SMG7: variants seen among roughly 807,000 people sequenced by gnomAD.
The protein encoded by SMG7 is nonsense-mediated mRNA decay factor SMG7.
SMG7 carries 34 observed loss-of-function variants against 148.2 expected under a neutral mutation model. The observed-to-expected ratio is 0.23, with a 90% CI of 0.17 to 0.31. The LOEUF is 0.31. SMG7 is among the 10% of genes least tolerant of loss of function. The pLI is 1.00. For missense variants in SMG7, 1,114 were observed against 1,408.4 expected (o/e 0.79, Z 3.35); for synonymous variants, 492 against 515.1 (o/e 0.96, Z 0.61).
chr1:183,496,346 T>A (rs963647677), intron 1 of SMG7, among the ~76,000 whole-genome samples: 3 of 152,222 alleles, frequency 2.0e-5, no homozygotes, highest in Admixed American at 6.5e-5. Flanking sequence ...CTCTATTGGA[T>A]CTTTTCTATG....
intron 1 of SMG7, among the ~76,000 whole-genome samples, chr1:183,510,747 TAC>T (rs1661926688): frequency 6.6e-6 from 1 of 152,076 alleles, no homozygotes; most frequent in South Asian, 2.1e-4. Context: ...AAACCATGAT[TAC>T]TTTTTCATCC....
intron 1 of SMG7, among the ~76,000 whole-genome samples, chr1:183,505,261 A>G (rs1225749514): frequency 6.6e-6 from 1 of 152,144 alleles, no homozygotes; most frequent in Non-Finnish European, 1.5e-5. Context: ...TTCTCTGGCA[A>G]GGCTATCATT....
At chr1:183,477,717 T>C (rs761734594) in intron 1 of SMG7, among the ~76,000 whole-genome samples, 4 of 149,614 alleles carry the variant, frequency 2.7e-5, no homozygotes, top group Non-Finnish European at 5.9e-5. Context: ...TATACGTGTG[T>C]GCATGTGTAT....
intron 1 of SMG7, among the ~76,000 whole-genome samples, chr1:183,481,395 C>G (rs1654071400): frequency 6.6e-6 from 1 of 152,106 alleles, no homozygotes; most frequent in African/African-American, 2.4e-5. Flanking sequence ...GTAGCATTTC[C>G]TGTATCTTAG....
chr1:183,490,705 A>G (rs1238281027), intron 1 of SMG7, among the ~76,000 whole-genome samples: 1 of 152,208 alleles, frequency 6.6e-6, no homozygotes, highest in Non-Finnish European at 1.5e-5. Flanking sequence ...TTTTAAATGT[A>G]TAGTTAAGAA....
At chr1:183,519,057 G>A (rs1664182583) in intron 4 of SMG7, among the ~76,000 whole-genome samples, 3 of 152,112 alleles carry the variant, frequency 2.0e-5, no homozygotes, top group Admixed American at 2.0e-4. Flanking sequence ...GCAGGTTGTG[G>A]TGCTACCTGC....
At position 183,553,147 on chromosome 1, in the gene SMG7, A is replaced by G; in HGVS notation, c.*1216A>G. The G allele has an allele frequency of 6.5e-7, 1 of 1,536,472 alleles. No individual in the cohort carries two copies. Among genetic ancestry groups the G allele is most frequent in the Non-Finnish European group, 8.7e-7 (1 of 1,146,958 alleles). On this transcript the variant is annotated 3_prime_UTR_variant, in exon 23 of 23. Coordinates refer to ENST00000688051, the MANE Select transcript of SMG7 (RefSeq NM_001375584.1). ...CAGCACGGACATGTGCCCATCAGGC[A>G]CAGAAGAAAACACGACGTCGTCCAT...
intron 2 of SMG7, 23 bp downstream of exon 2, chr1:183,512,891 T>TTCACAACA: frequency 6.3e-7 from 1 of 1,582,256 alleles, no homozygotes; most frequent in Non-Finnish European, 8.6e-7. Flanking sequence ...TTATTTCTTT[T>TTCACAACA]TCACAACATA....
At chr1:183,472,715 A>G (rs1650965450) in intron 1 of SMG7, 66 bp downstream of exon 1, 4 of 1,348,788 alleles carry the variant, frequency 3.0e-6, no homozygotes, top group African/African-American at 1.5e-5. Flanking sequence ...GGAGCAACAG[A>G]CACCGAGGTA....
chr1:183,526,838 G>A, intron 5 of SMG7, 71 bp downstream of exon 5: 1 of 1,343,256 alleles, frequency 7.4e-7, no homozygotes, highest in Non-Finnish European at 1.0e-6. Flanking sequence ...GAAAGAAACT[G>A]TTTTCCTTTA....
chr1:183,472,589 T>C lies in SMG7; in HGVS notation c.-32T>C. On this transcript the variant is annotated 5_prime_UTR_variant, in exon 1 of 23. Coordinates refer to ENST00000688051, the MANE Select transcript of SMG7 (RefSeq NM_001375584.1). ...AGGAGCCTGAGAGACCCACGGAGGCTTCGCGGGAAGACGCGGCGGCGGCGG... is the reference window on the plus strand; with the variant it reads ...AGGAGCCTGAGAGACCCACGGAGGCCTCGCGGGAAGACGCGGCGGCGGCGG... 1 of 1,431,008 alleles carries C rather than the reference T, an allele frequency of 7.0e-7. No individual in the cohort carries two copies. The highest frequency in any genetic ancestry group is 1.5e-5 in the African/African-American group (1 of 68,614). The allele number at this position is 1,431,008 out of a possible 1,614,324, so 88.6% of individuals were successfully genotyped here. A position where few individuals can be genotyped will look rare whatever the true frequency, so the allele number is the denominator to read the frequency against.
At chr1:183,476,128 A>G (rs1174583439) in intron 1 of SMG7, among the ~76,000 whole-genome samples, 2 of 152,216 alleles carry the variant, frequency 1.3e-5, no homozygotes, top group African/African-American at 4.8e-5. Context: ...TAAAGTCTGC[A>G]GTGGGGACAC....
chr1:183,516,138 G>C (rs148479989), intron 3 of SMG7, 147 bp downstream of exon 3: 2 of 619,048 alleles, frequency 3.2e-6, no homozygotes, highest in Non-Finnish European at 5.7e-6. Context: ...GTGATATTTG[G>C]CCATTGGTAT....
At chr1:183,538,330 A>C (rs1668166972) in intron 11 of SMG7, 50 bp from the exon 12 acceptor site, 2 of 1,329,944 alleles carry the variant, frequency 1.5e-6, no homozygotes, top group Admixed American at 1.7e-5. Context: ...GTATTCCACC[A>C]AACAACATTT....
intron 14 of SMG7, among the ~76,000 whole-genome samples, chr1:183,542,873 A>T (rs1158495454): frequency 6.6e-6 from 1 of 151,182 alleles, no homozygotes; most frequent in African/African-American, 2.4e-5. Context: ...TAGAACCAAG[A>T]GTATATTAAG....
intron 1 of SMG7, among the ~76,000 whole-genome samples, chr1:183,488,480 G>GCGA (rs1656064031): frequency 6.6e-6 from 1 of 152,110 alleles, no homozygotes; most frequent in Non-Finnish European, 1.5e-5. Context: ...ATATAACTGT[G>GCGA]CTGTCCAGTG....
intron 4 of SMG7, among the ~76,000 whole-genome samples, chr1:183,525,027 A>C (rs1487413408): frequency 1.3e-5 from 2 of 152,168 alleles, no homozygotes; most frequent in African/African-American, 2.4e-5. Context: ...GGTGTCTGAT[A>C]TACTAGCACA....
intron 8 of SMG7, 140 bp from the exon 9 acceptor site, chr1:183,533,024 G>C (rs1052299289): frequency 1.7e-5 from 11 of 647,366 alleles, no homozygotes; most frequent in Non-Finnish European, 2.9e-5. Flanking sequence ...AAAATACTGG[G>C]ATTGAGGGCA....
At chr1:183,472,856 G>A (rs6671819) in intron 1 of SMG7, 54,913 of 413,736 alleles carry the variant, frequency 0.13, 4,264 homozygotes, top group African/African-American at 0.27. Context: ...CTGAGCTCTG[G>A]CGAAGCCGGC....
Sources: gnomAD v4.1 joint callset for allele counts (sites outside exome capture counted in the v4.1 genomes callset) on GRCh38, gnomAD v4.1.1 for gene constraint, MANE v1.5 for transcripts, NCBI Gene and HGNC (gene_info 2026-07-23, HGNC 2026-07-21) for gene names.